Variants in IRS2 observed in about 807,000 individuals in gnomAD.
The protein encoded by IRS2 is insulin receptor substrate 2.
Under a neutral mutation model 70.9 loss-of-function variants are expected in IRS2, and 28 were observed. The observed-to-expected ratio is 0.39, with a 90% CI of 0.29 to 0.54. The LOEUF (loss-of-function observed/expected upper bound fraction) is 0.54, where lower values mean the gene tolerates loss of function less well. Among genes scored for constraint, IRS2 ranks in the 20% least tolerant of loss-of-function variants. The probability of loss-of-function intolerance (pLI) is 0.59; values close to 1 mark genes in which losing one functional copy is unlikely to be tolerated. For missense variants in IRS2, 2,081 were observed against 2,024.1 expected, an observed-to-expected ratio of 1.03 and a Z score of -0.54; for synonymous variants, 1,217 against 981.9, an observed-to-expected ratio of 1.24 and a Z score of -4.48.
Position 109,785,721 on chromosome 13 carries a change from G to T in IRS2, c.333C>A (p.Tyr111Ter). Reference sequence around the variant, plus strand: ...CGTCCTTGGTGTAGAGGGCGATCAGGTACTTGTGCTTGGCGTCGGCGCGCT... The same window carrying T: ...CGTCCTTGGTGTAGAGGGCGATCAGTTACTTGTGCTTGGCGTCGGCGCGCT... ...INKRADAKHK[Y>*]LIALYTKDEY... Residue 111 changes from tyrosine (Y) to a stop codon, truncating the protein, a stop_gained, in exon 1 of 2, where the codon TAC becomes TAA. Coordinates refer to ENST00000375856, the MANE Select transcript of IRS2 (RefSeq NM_003749.3). LOFTEE classifies it high-confidence loss of function. This position sits in a 1 kb window ranked among gnomAD's most constrained non-coding sequence, Gnocchi z 9.3. 6.2e-7 allele frequency: 1 copy of T among 1,600,400 alleles called. No individual in the cohort carries two copies.
chr13:109,785,228 C>G lies in IRS2; in HGVS notation c.826G>C (p.Asp276His). 6.2e-7 allele frequency: 1 copy of G among 1,604,812 alleles called. No homozygotes were observed. Among genetic ancestry groups the G allele is most frequent in the Non-Finnish European group, 8.5e-7 (1 of 1,176,678 alleles). ...TGGATGTTCTGCGCCACCACCGAGT[C>G]GTCCGCCTGCATCCACAGCTCGCCG... ...GPGELWMQADDSVVAQNIHET... is the reference protein window; with the variant it reads ...GPGELWMQADHSVVAQNIHET... The change falls in exon 1 of 2, where the codon GAC becomes CAC. Residue 276 changes from aspartate to histidine, a missense_variant. Around this residue, in one of 4 missense-constraint regions of IRS2, gnomAD observed 35 missense variants for 78.6 expected, o/e 0.45. Transcript: ENST00000375856. This position sits in a 1 kb window ranked among gnomAD's most constrained non-coding sequence, Gnocchi z 9.3.
Position 109,783,666 on chromosome 13 carries a change from C to G in IRS2, c.2388G>C (p.Arg796Ser). 3 of 1,557,610 alleles carry G rather than the reference C, an allele frequency of 1.9e-6. No homozygotes were observed. The highest frequency in any genetic ancestry group is 2.6e-6 in the Non-Finnish European group (3 of 1,150,832). ...AGCTGTAGCAGCAGCCGGGAACGCC[C>G]CTGAGCGGCTCCCCGCCGGGGTGCA... ...AALHPGGEPLRGVPGCCYSSL... is the reference protein window; with the variant it reads ...AALHPGGEPLSGVPGCCYSSL... The change falls in exon 1 of 2, where the codon AGG (arginine) becomes AGC (serine). Residue 796 changes from arginine (R) to serine (S), a missense_variant. Around this residue, in one of 4 missense-constraint regions of IRS2, gnomAD observed 1,615 missense variants for 1,459.5 expected, o/e 1.11. Coordinates refer to ENST00000375856, the MANE Select transcript of IRS2 (RefSeq NM_003749.3).
rs1877883550 is a variant in IRS2, at chr13:109,785,285, TGAA to T, written c.766_768del (p.Phe256del). The T allele has an allele frequency of 1.2e-6, 2 of 1,608,748 alleles. No individual in the cohort carries two copies. Among genetic ancestry groups the T allele is most frequent in the Non-Finnish European group, 1.7e-6 (2 of 1,178,446 alleles). ...GTGACGGCCGAGCGGCCCACCTCGA[TGAA>T]GAAGAAGCTGTCCGAGTGGCCGCAG... On this transcript the variant is annotated inframe_deletion, in exon 1 of 2. Coordinates refer to ENST00000375856, the MANE Select transcript of IRS2 (RefSeq NM_003749.3). The surrounding 1 kb of genome is among the most constrained non-coding windows in gnomAD (Gnocchi z 9.3).
Position 109,754,832 on chromosome 13 carries a change from T to C in IRS2, c.*1472A>G. On this transcript the variant is annotated 3_prime_UTR_variant, in exon 2 of 2. Coordinates refer to ENST00000375856, the MANE Select transcript of IRS2 (RefSeq NM_003749.3). ...GCGATAGATATCTATTATATATTTA[T>C]ATATATTTTTCTAAAAACAAAACAA... 5.2e-6 allele frequency: 1 copy of C among 193,096 alleles called. No homozygotes were observed. The highest frequency in any genetic ancestry group is 1.1e-5 in the Non-Finnish European group (1 of 92,702). 12.0% of individuals were successfully genotyped at this position (193,096 alleles called of 1,614,324 possible). A position where few individuals can be genotyped will look rare whatever the true frequency, so the allele number is the denominator to read the frequency against.
chr13:109,766,377 G>T (rs71439393), intron 1 of IRS2, among the ~76,000 whole-genome samples: 1 of 11,458 alleles, frequency 8.7e-5, no homozygotes, highest in African/African-American at 4.2e-4. Context: ...CCCTGACTCC[G>T]ACTCCCCACC....
At chr13:109,777,116 G>C (rs1028137128) in intron 1 of IRS2, among the ~76,000 whole-genome samples, 7 of 152,092 alleles carry the variant, frequency 4.6e-5, no homozygotes, top group East Asian at 3.9e-4. Flanking sequence ...ATGCAGGATG[G>C]GGGGCGGGGG....
At chr13:109,759,982 T>C (rs935783000) in intron 1 of IRS2, among the ~76,000 whole-genome samples, 2 of 152,210 alleles carry the variant, frequency 1.3e-5, no homozygotes, top group South Asian at 2.1e-4. Context: ...ACTTTCAAAG[T>C]AACTGAAGTT....
In IRS2 at chr13:109,752,927, C is replaced by T. The variant is rs1877016012; in HGVS notation, c.*3377G>A. ...GATGTATGCATCGGTATGTCTTCTT[C>T]TGTGTTTGTGTCATGGAGGCAGCAT... On this transcript the variant is annotated 3_prime_UTR_variant, in exon 2 of 2. Transcript: ENST00000375856. 6.8e-6 allele frequency: 1 copy of T among 147,080 alleles called. No homozygotes were observed. Among genetic ancestry groups the T allele is most frequent in the African/African-American group, 2.5e-5 (1 of 40,026 alleles). 9.1% of individuals were successfully genotyped at this position (147,080 alleles called of 1,614,324 possible).
chr13:109,774,674 G>C (rs1421538718), intron 1 of IRS2, among the ~76,000 whole-genome samples: 1 of 152,192 alleles, frequency 6.6e-6, no homozygotes, highest in East Asian at 1.9e-4. Flanking sequence ...TTGGCTCAGA[G>C]ATCTGGAGCA....
intron 1 of IRS2, among the ~76,000 whole-genome samples, chr13:109,760,893 A>G (rs1877211070): frequency 6.6e-6 from 1 of 152,244 alleles, no homozygotes; most frequent in Admixed American, 6.5e-5. Flanking sequence ...GCTGGGCACC[A>G]TGACTGCAAT....
At position 109,783,988 on chromosome 13, in the gene IRS2, A is replaced by G; in HGVS notation, c.2066T>C (p.Ile689Thr). Residue 689 changes from isoleucine to threonine, a missense_variant, in exon 1 of 2, where the codon ATC becomes ACC. Around this residue, in one of 4 missense-constraint regions of IRS2, gnomAD observed 1,615 missense variants for 1,459.5 expected, o/e 1.11. Coordinates refer to ENST00000375856, the MANE Select transcript of IRS2 (RefSeq NM_003749.3). ...SPASVSAPKQILQPRAAAAAA... is the reference protein window; with the variant it reads ...SPASVSAPKQTLQPRAAAAAA... ...GGCGGCGGCGGCCCTGGGCTGCAAG[A>G]TCTGCTTGGGGGCGGACACGCTGGC... 2.0e-6 allele frequency: 3 copies of G among 1,529,702 alleles called. No individual in the cohort carries two copies. The highest frequency in any genetic ancestry group is 2.6e-6 in the Non-Finnish European group (3 of 1,142,990). The allele number at this position is 1,529,702 out of a possible 1,614,324, so 94.8% of individuals were successfully genotyped here.
Position 109,783,016 on chromosome 13 carries a change from G to T in IRS2, c.3038C>A (p.Pro1013Gln). 7.3e-7 allele frequency: 1 copy of T among 1,363,366 alleles called. No homozygotes were observed. 84.5% of individuals were successfully genotyped at this position (1,363,366 alleles called of 1,614,324 possible). A position where few individuals can be genotyped will look rare whatever the true frequency, so the allele number is the denominator to read the frequency against. ...CGGACGCGGGGGCAACGGCGGATACGGGGAGGAGGCCTCGGGGGACAGGAG... is the reference window on the plus strand; with the variant it reads ...CGGACGCGGGGGCAACGGCGGATACTGGGAGGAGGCCTCGGGGGACAGGAG... ...DGLLSPEASS[P>Q]YPPLPPRPSA... The change falls in exon 1 of 2, where the codon CCG (proline) becomes CAG (glutamine). Residue 1013 changes from proline to glutamine, a missense_variant. Physicochemically the swap from Pro to Gln is moderately conservative, Grantham distance 76 (BLOSUM62 -1). Transcript: ENST00000375856.
At chr13:109,773,601 T>C (rs56920445) in intron 1 of IRS2, among the ~76,000 whole-genome samples, 50,334 of 152,070 alleles carry the variant, frequency 0.33, 8,464 homozygotes, top group Middle Eastern at 0.48. Context: ...TTTTCTTTGA[T>C]AAAGTAAATA....
chr13:109,783,131 G>A lies in IRS2; in HGVS notation c.2923C>T (p.Leu975Phe), dbSNP rs767218077. 1.4e-6 allele frequency: 2 copies of A among 1,387,064 alleles called. No homozygotes were observed. The highest frequency in any genetic ancestry group is 1.5e-5 in the African/African-American group (1 of 65,548). 85.9% of individuals were successfully genotyped at this position (1,387,064 alleles called of 1,614,324 possible). ...AAGTCGAGGTTCATGTAGTCGGAGA[G>A]CGGAGACCGCTGCCGGCTGTCGCTG... ...TSSDSRQRSP[L>F]SDYMNLDFSS... is the part of the protein sequence containing the mutation. The change falls in exon 1 of 2, where the codon CTC (leucine) becomes TTC (phenylalanine). Residue 975 changes from leucine to phenylalanine, a missense_variant. This residue lies in a region of IRS2 where 1,615 missense variants were observed against 1,459.5 expected (regional missense o/e 1.11). Transcript: ENST00000375856.
At position 109,785,004 on chromosome 13, in the gene IRS2, G is replaced by T. The variant is rs1877872410; in HGVS notation, c.1050C>A (p.Thr350=). ...RRSRTDSLAA[T]PPAAKCSSCR... is the part of the protein sequence containing the mutation. ...ACGAGCTGCACTTGGCCGCCGGCGGGGTGGCGGCCAGGCTGTCGGTGCGCG... is the reference window on the plus strand; with the variant it reads ...ACGAGCTGCACTTGGCCGCCGGCGGTGTGGCGGCCAGGCTGTCGGTGCGCG... The change falls in exon 1 of 2, where the codon ACC becomes ACA. Residue 350 remains threonine, a synonymous_variant. Transcript: ENST00000375856. The surrounding 1 kb of genome is among the most constrained non-coding windows in gnomAD (Gnocchi z 9.3). 5 of 1,414,396 alleles carry T rather than the reference G, an allele frequency of 3.5e-6. No homozygotes were observed. Among genetic ancestry groups the T allele is most frequent in the Non-Finnish European group, 1.8e-6 (2 of 1,090,216 alleles). The allele number at this position is 1,414,396 out of a possible 1,614,324, so 87.6% of individuals were successfully genotyped here.
At position 109,783,492 on chromosome 13, in the gene IRS2, G is replaced by C; in HGVS notation, c.2562C>G (p.Phe854Leu). The change falls in exon 1 of 2, where the codon TTC (phenylalanine) becomes TTG (leucine). Residue 854 changes from phenylalanine to leucine, a missense_variant. Phe to Leu is a conservative substitution (Grantham distance 22, BLOSUM62 0). This residue lies in a region of IRS2 where 1,615 missense variants were observed against 1,459.5 expected (regional missense o/e 1.11). Transcript: ENST00000375856. The part of the protein sequence containing the change: ...TPGPSQAASA[F>L]GAGPTQPPHP... ...GAGGGGGCTGCGTGGGGCCGGCCCC[G>C]AAGGCGCTGGCCGCCTGGCTGGGCC... The C allele has an allele frequency of 6.5e-7, 1 of 1,545,366 alleles. No homozygotes were observed. Among genetic ancestry groups the C allele is most frequent in the Non-Finnish European group, 8.7e-7 (1 of 1,145,884 alleles).
intron 1 of IRS2, among the ~76,000 whole-genome samples, chr13:109,761,917 T>A (rs2138912788): frequency 6.6e-6 from 1 of 152,364 alleles, no homozygotes; most frequent in South Asian, 2.1e-4. Context: ...TGAGACAATC[T>A]AGTTGTCTCA....
chr13:109,763,884 A>G (rs971827713), intron 1 of IRS2, among the ~76,000 whole-genome samples: 1 of 152,234 alleles, frequency 6.6e-6, no homozygotes, highest in South Asian at 2.1e-4. Context: ...CTGTTGTTAT[A>G]TATCATTTCA....
Position 109,783,450 on chromosome 13 carries a change from C to T in IRS2, c.2604G>A (p.Ser868=). 6.5e-7 allele frequency: 1 copy of T among 1,533,454 alleles called. No individual in the cohort carries two copies. Among genetic ancestry groups the T allele is most frequent in the Non-Finnish European group, 8.7e-7 (1 of 1,143,908 alleles). 95.0% of individuals were successfully genotyped at this position (1,533,454 alleles called of 1,614,324 possible). ...GGCGGCCGCCGCTAGGCCGCACGGG[C>T]GAAGGCACTACAGGGTGAGGGGGCT... ...PTQPPHPVVP[S]PVRPSGGRPE... Residue 868 remains serine (S), a synonymous_variant, in exon 1 of 2, where the codon TCG becomes TCA. Coordinates refer to ENST00000375856, the MANE Select transcript of IRS2 (RefSeq NM_003749.3).
Sources: gnomAD v4.1 joint callset for allele counts (sites outside exome capture counted in the v4.1 genomes callset) on GRCh38, gnomAD v4.1.1 for gene constraint, gnomAD v4.1.1 regional missense constraint, Gnocchi (gnomAD v3.1) non-coding constraint, MANE v1.5 for transcripts, NCBI Gene and HGNC (gene_info 2026-07-23, HGNC 2026-07-21) for gene names.